Variants in CDH13 observed in about 807,000 individuals in gnomAD.
CDH13 encodes the protein cadherin-13.
A neutral mutation model predicts 63.8 loss-of-function variants in CDH13; 24 were observed. The ratio of observed to expected loss-of-function variants is 0.38; its 90% CI spans 0.27 to 0.53. The LOEUF (loss-of-function observed/expected upper bound fraction) is 0.53. Among genes scored for constraint, CDH13 ranks in the 20% least tolerant of loss-of-function variants. CDH13 has a pLI of 0.85. For synonymous variants in CDH13, 503 were observed against 355.3 expected, an observed-to-expected ratio of 1.42 and a Z score of -4.67; for missense variants, 1,049 against 903.1, an observed-to-expected ratio of 1.16 and a Z score of -2.07.
At chr16:83,136,570 C>G (rs1386186908) in intron 4 of CDH13, among the ~76,000 whole-genome samples, 2 of 151,868 alleles carry the variant, frequency 1.3e-5, no homozygotes, top group Non-Finnish European at 2.9e-5. Context: ...GGATGAGAAG[C>G]ATAGCTCACC....
chr16:82,751,536 G>A (rs1275011451), intron 1 of CDH13, among the ~76,000 whole-genome samples: 2 of 152,080 alleles, frequency 1.3e-5, no homozygotes, highest in African/African-American at 4.8e-5. Flanking sequence ...GGGCAGGGAG[G>A]TTTTTGTCAG....
At chr16:83,523,965 A>G (rs147579108) in intron 7 of CDH13, among the ~76,000 whole-genome samples, 79 of 152,272 alleles carry the variant, frequency 5.2e-4, no homozygotes, top group Non-Finnish European at 8.8e-4. Context: ...TGGGCAACCA[A>G]AGTCCCCAGG....
chr16:82,856,070 T>G (rs1470675320), intron 1 of CDH13, among the ~76,000 whole-genome samples: 1 of 151,938 alleles, frequency 6.6e-6, no homozygotes, highest in Non-Finnish European at 1.5e-5. Context: ...ATGGCAGAAA[T>G]TGGTTTAAGA....
At chr16:83,728,867 C>G (rs1910730960) in intron 10 of CDH13, 1 of 152,436 alleles carries the variant, frequency 6.6e-6, no homozygotes, top group African/African-American at 2.4e-5. Flanking sequence ...GTATTACTCA[C>G]AGTTCTGGAG....
chr16:82,995,843 C>A (rs145031887), intron 2 of CDH13, among the ~76,000 whole-genome samples: 79 of 152,210 alleles, frequency 5.2e-4, no homozygotes, highest in African/African-American at 1.8e-3. Flanking sequence ...ATGATTCAAC[C>A]CTCTCGCGGG....
At chr16:83,528,632 T>C (rs1004700224) in intron 7 of CDH13, among the ~76,000 whole-genome samples, 1 of 152,236 alleles carries the variant, frequency 6.6e-6, no homozygotes, top group Non-Finnish European at 1.5e-5. Context: ...ATTCTCCAAC[T>C]GTTTCCATCT....
At chr16:83,652,801 G>A (rs1912511798) in intron 8 of CDH13, among the ~76,000 whole-genome samples, 1 of 152,182 alleles carries the variant, frequency 6.6e-6, no homozygotes, top group South Asian at 2.1e-4. Flanking sequence ...ACTCCTAGGT[G>A]TAAACCGAAG....
At chr16:82,890,093 TCTCC>T (rs1567634078) in intron 2 of CDH13, among the ~76,000 whole-genome samples, 1 of 152,210 alleles carries the variant, frequency 6.6e-6, no homozygotes, top group East Asian at 1.9e-4. Context: ...TTTCAGTAAG[TCTCC>T]CAGCCTTCGT....
chr16:82,881,771 G>A (rs1223679237), intron 2 of CDH13, among the ~76,000 whole-genome samples: 2 of 152,158 alleles, frequency 1.3e-5, no homozygotes, highest in Non-Finnish European at 2.9e-5. Flanking sequence ...TGACAGTGGT[G>A]AGGAGGAGGG....
rs992858529 is a variant in CDH13 at position 82,970,544 on chromosome 16, C to T, written c.158-61466C>T. 1.5e-4 allele frequency among the ~76,000 whole-genome samples: 22 copies of T among 143,858 alleles called. 1 individual carries two copies. Among genetic ancestry groups the T allele is most frequent in the South Asian group, 6.6e-4 (3 of 4,554 alleles). 94.4% of individuals were successfully genotyped at this position (143,858 alleles called of 152,430 possible). ...CCTCCCGAGTAGCTGGGACTACAGG[C>T]GCCCGCCACCGCGCCCGGCTAATTT... On this transcript the variant is annotated intron_variant, in intron 2 of 13. Transcript: ENST00000567109.
intron 1 of CDH13, among the ~76,000 whole-genome samples, chr16:82,843,670 T>TA (rs2039128274): frequency 6.6e-6 from 1 of 152,230 alleles, no homozygotes. Flanking sequence ...TTCTGAAAGA[T>TA]AATTAATAAA....
chr16:83,538,629 G>T (rs2075240594), intron 7 of CDH13, among the ~76,000 whole-genome samples: 1 of 152,318 alleles, frequency 6.6e-6, no homozygotes, highest in African/African-American at 2.4e-5. Flanking sequence ...AGGGTAGATT[G>T]GCATCGACTT....
At chr16:83,301,258 C>G (rs894666412) in intron 5 of CDH13, among the ~76,000 whole-genome samples, 2 of 151,914 alleles carry the variant, frequency 1.3e-5, no homozygotes, top group Non-Finnish European at 2.9e-5. Context: ...GTCTCGATCT[C>G]CTGACCTCAT....
At chr16:82,641,499 C>T (rs1909391180) in intron 1 of CDH13, among the ~76,000 whole-genome samples, 1 of 152,186 alleles carries the variant, frequency 6.6e-6, no homozygotes, top group Non-Finnish European at 1.5e-5. Flanking sequence ...CACCCTCCTG[C>T]AGATATTCTC....
At chr16:83,377,917 T>TA (rs2091486986) in intron 6 of CDH13, among the ~76,000 whole-genome samples, 1 of 152,188 alleles carries the variant, frequency 6.6e-6, no homozygotes, top group Non-Finnish European at 1.5e-5. Flanking sequence ...TCTGAGAAAG[T>TA]ACCCCTCTGG....
chr16:82,979,456 G>A (rs532207434), intron 2 of CDH13, among the ~76,000 whole-genome samples: 47 of 152,206 alleles, frequency 3.1e-4, no homozygotes, highest in South Asian at 1.9e-3. Context: ...GACGTGGGGG[G>A]AGACGACTGG....
At chr16:83,317,086 T>A (rs569181366) in intron 5 of CDH13, among the ~76,000 whole-genome samples, 12 of 152,336 alleles carry the variant, frequency 7.9e-5, no homozygotes, top group African/African-American at 2.6e-4. Flanking sequence ...GCTATTGGTA[T>A]CCCATGGATG....
chr16:82,679,854 G>A (rs991323182), intron 1 of CDH13, among the ~76,000 whole-genome samples: 2 of 152,194 alleles, frequency 1.3e-5, no homozygotes, highest in Admixed American at 6.5e-5. Context: ...TGAAACAGAT[G>A]TGGAACAAGT....
intron 3 of CDH13, among the ~76,000 whole-genome samples, chr16:83,039,765 C>G (rs1917176697): frequency 6.6e-6 from 1 of 152,094 alleles, no homozygotes; most frequent in Non-Finnish European, 1.5e-5. Flanking sequence ...CCTTCAATAC[C>G]AAATCACTTG....
Sources: allele counts gnomAD v4.1 joint callset (sites outside exome capture counted in the v4.1 genomes callset), GRCh38; gene constraint gnomAD v4.1.1; transcripts MANE v1.5; gene names NCBI Gene and HGNC (gene_info 2026-07-23, HGNC 2026-07-21).